The following KAZN variants were observed in gnomAD, a reference collection of about 807,000 sequenced individuals.
KAZN encodes the protein kazrin.
KAZN carries 40 observed loss-of-function variants against 87.4 expected under a neutral mutation model. That is an observed-to-expected ratio of 0.46 (90% CI 0.36 to 0.60). The LOEUF (loss-of-function observed/expected upper bound fraction) is 0.60. KAZN is among the 20% of genes least tolerant of loss of function. The pLI, the probability that KAZN is intolerant of heterozygous loss-of-function variation, is 0.00. For synonymous variants in KAZN, 466 were observed against 458.3 expected (o/e 1.02, Z -0.22); for missense variants, 898 against 1,073.9 (o/e 0.84, Z 2.29).
chr1:14,606,981 C>T (rs1572034717), intron 1 of KAZN, among the ~76,000 whole-genome samples: 1 of 152,130 alleles, frequency 6.6e-6, no homozygotes, highest in Non-Finnish European at 1.5e-5. Flanking sequence ...GGAATGACAG[C>T]TCTGTGAGGT....
At chr1:14,376,495 A>G (rs1403609274) in intron 2 of KAZN, among the ~76,000 whole-genome samples, 1 of 152,206 alleles carries the variant, frequency 6.6e-6, no homozygotes, top group Non-Finnish European at 1.5e-5. Flanking sequence ...TTGCTCTTCT[A>G]CCATGAAATG....
At chr1:14,369,229 T>A (rs4639754) in intron 2 of KAZN, among the ~76,000 whole-genome samples, 140,570 of 152,224 alleles carry the variant, frequency 0.92, 65,128 homozygotes, top group Middle Eastern at 0.97. Context: ...TGTGTGTGTG[T>A]GAGAGCAAAG....
chr1:14,212,243 A>G (rs1215046316), intron 2 of KAZN, among the ~76,000 whole-genome samples: 1 of 152,178 alleles, frequency 6.6e-6, no homozygotes, highest in Non-Finnish European at 1.5e-5. Context: ...TTGGAAATTA[A>G]TGATGGCTTC....
intron 2 of KAZN, among the ~76,000 whole-genome samples, chr1:14,224,276 G>A (rs776145130): frequency 6.6e-6 from 1 of 152,070 alleles, no homozygotes; most frequent in Admixed American, 6.6e-5. Flanking sequence ...GGAACCAGTG[G>A]GAAGAAGGAC....
rs540758770 is a variant in KAZN, at chr1:14,837,517, T to A, written c.227-123167T>A. On this transcript the variant is annotated intron_variant, in intron 1 of 14. Coordinates refer to ENST00000376030, the MANE Select transcript of KAZN (RefSeq NM_201628.3). ...CCTGGCCCATACCTGTTGTTTTATG[T>A]CAGTGTAGTTCATTCATTCCCATAG... is the stretch of plus-strand genomic sequence containing the variant. 1.5e-3 allele frequency among the ~76,000 whole-genome samples: 224 copies of A among 151,682 alleles called. 1 individual carries two copies. Among genetic ancestry groups the A allele is most frequent in the African/African-American group, 5.0e-3 (207 of 41,340 alleles).
At chr1:15,003,002 ACG>A (rs1491045357) in intron 2 of KAZN, among the ~76,000 whole-genome samples, 15 of 116,894 alleles carry the variant, frequency 1.3e-4, no homozygotes, top group Admixed American at 3.4e-4. Flanking sequence ...ATAAAAATAA[ACG>A]TACACACACA....
At chr1:14,765,856 TGCTCAG>T (rs1572426500) in intron 1 of KAZN, among the ~76,000 whole-genome samples, 1 of 152,188 alleles carries the variant, frequency 6.6e-6, no homozygotes, top group African/African-American at 2.4e-5. Context: ...CAGTCCATTG[TGCTCAG>T]GCAGCAGGCA....
chr1:14,424,550 C>T (rs1665605678), intron 2 of KAZN, among the ~76,000 whole-genome samples: 1 of 152,188 alleles, frequency 6.6e-6, no homozygotes, highest in Non-Finnish European at 1.5e-5. Context: ...ACTGCACGGC[C>T]ATTCACATGG....
chr1:14,129,283 G>A (rs1256343680), intron 1 of KAZN, among the ~76,000 whole-genome samples: 2 of 152,172 alleles, frequency 1.3e-5, no homozygotes, highest in African/African-American at 2.4e-5. Context: ...TTTGGTCTTT[G>A]GACCCCAGCT....
chr1:15,041,464 A>C (rs960081015), intron 3 of KAZN, among the ~76,000 whole-genome samples: 1 of 149,970 alleles, frequency 6.7e-6, no homozygotes, highest in Admixed American at 6.7e-5. Context: ...CAGCCTCCCG[A>C]GTAGCTGGGA....
chr1:14,660,236 C>T (rs1369315875), intron 1 of KAZN, among the ~76,000 whole-genome samples: 2 of 152,130 alleles, frequency 1.3e-5, no homozygotes, highest in Non-Finnish European at 2.9e-5. Flanking sequence ...GCAATGGACC[C>T]CTGCTCTTGG....
intron 2 of KAZN, among the ~76,000 whole-genome samples, chr1:14,208,535 CAGTT>C (rs1170500913): frequency 6.6e-6 from 1 of 152,132 alleles, no homozygotes; most frequent in East Asian, 1.9e-4. Flanking sequence ...ACAGAGTTGA[CAGTT>C]GGGTGGGAGA....
At chr1:14,968,351 C>A (rs1664676785) in intron 2 of KAZN, among the ~76,000 whole-genome samples, 1 of 152,154 alleles carries the variant, frequency 6.6e-6, no homozygotes, top group African/African-American at 2.4e-5. Flanking sequence ...TGGGGAGCAG[C>A]TGTAAATACA....
intron 2 of KAZN, among the ~76,000 whole-genome samples, chr1:14,411,746 G>A (rs1664321150): frequency 6.6e-6 from 1 of 152,140 alleles, no homozygotes; most frequent in Non-Finnish European, 1.5e-5. Flanking sequence ...AAAAACATGT[G>A]ATTCAACAGA....
At chr1:14,232,260 C>T (rs1057479437) in intron 2 of KAZN, among the ~76,000 whole-genome samples, 7 of 151,966 alleles carry the variant, frequency 4.6e-5, no homozygotes, top group East Asian at 1.9e-4. Context: ...TGTGTGTGTG[C>T]GCATGTATGT....
intron 2 of KAZN, among the ~76,000 whole-genome samples, chr1:14,229,307 T>A (rs949159265): frequency 6.6e-6 from 1 of 152,226 alleles, no homozygotes; most frequent in Non-Finnish European, 1.5e-5. Context: ...GGCTTTAACA[T>A]TGCCTATCTG....
intron 1 of KAZN, among the ~76,000 whole-genome samples, chr1:13,943,015 T>A (rs183454704): frequency 2.3e-4 from 35 of 152,144 alleles, no homozygotes; most frequent in African/African-American, 7.0e-4. Context: ...AGTTCCAGAA[T>A]GAGAAGAAAA....
At chr1:14,259,485 C>G (rs576750984) in intron 2 of KAZN, among the ~76,000 whole-genome samples, 1 of 152,158 alleles carries the variant, frequency 6.6e-6, no homozygotes, top group African/African-American at 2.4e-5. Flanking sequence ...CTCTGAGGCA[C>G]GCCTTTGCCT....
rs568692530 is a variant in KAZN, at chr1:14,759,710, T to C, written c.226+160487T>C. Among the ~76,000 whole-genome samples the C allele has an allele frequency of 6.2e-4, 94 of 152,254 alleles. 1 individual carries two copies. Among genetic ancestry groups the C allele is most frequent in the African/African-American group, 2.2e-3 (92 of 41,544 alleles). On this transcript the variant is annotated intron_variant, in intron 1 of 14. Transcript: ENST00000376030. The stretch of plus-strand genomic sequence containing the variant: ...CTAGGAAAGAGCAGAGGATGCGATC[T>C]GGAGTCAGACGGGGATTGGGATCCC...
Sources: allele counts gnomAD v4.1 joint callset (sites outside exome capture counted in the v4.1 genomes callset), GRCh38; gene constraint gnomAD v4.1.1; transcripts MANE v1.5; gene names NCBI Gene and HGNC (gene_info 2026-07-23, HGNC 2026-07-21).